The following PIAS4 variants were observed in gnomAD, a reference collection of about 807,000 sequenced individuals.
PIAS4 encodes E3 SUMO-protein ligase PIAS4.
PIAS4 carries 7 observed loss-of-function variants against 58.0 expected under a neutral mutation model. That is an observed-to-expected ratio of 0.12 (90% confidence interval 0.07 to 0.23). PIAS4 has a LOEUF of 0.23. Ranked by LOEUF, PIAS4 falls within the 10% of genes least tolerant of loss-of-function variation. PIAS4 has a pLI of 1.00. For missense variants in PIAS4, 550 were observed against 709.5 expected (o/e 0.78, Z 2.55); for synonymous variants, 364 against 312.4 (o/e 1.17, Z -1.74).
intron 2 of PIAS4, among the ~76,000 whole-genome samples, chr19:4,023,658 T>C (rs941620546): frequency 1.3e-5 from 2 of 151,886 alleles, no homozygotes; most frequent in Non-Finnish European, 2.9e-5. Context: ...AAGGGCCGGG[T>C]CCGGTTTGTG....
intron 9 of PIAS4, 118 bp downstream of exon 9, chr19:4,033,698 G>C: frequency 1.2e-6 from 1 of 845,706 alleles, no homozygotes; most frequent in Non-Finnish European, 1.8e-6. Flanking sequence ...GGGGGCACAT[G>C]GTCCTGGAGC....
intron 1 of PIAS4, among the ~76,000 whole-genome samples, chr19:4,010,433 G>C (rs979466409): frequency 6.6e-6 from 1 of 152,256 alleles, no homozygotes; most frequent in Non-Finnish European, 1.5e-5. Context: ...GTCTCTCCCT[G>C]CTAAGGCTTT....
At chr19:4,020,996 C>G (rs982440574) in intron 2 of PIAS4, among the ~76,000 whole-genome samples, 1 of 152,160 alleles carries the variant, frequency 6.6e-6, no homozygotes, top group Non-Finnish European at 1.5e-5. Flanking sequence ...TCTGTGCTTA[C>G]CTTTATAAGG....
chr19:4,013,342 C>T lies in PIAS4; in HGVS notation c.447C>T (p.Thr149=), dbSNP rs762329482. The part of the protein sequence containing the change: ...FNMLDELLKP[T]ELVPQNNEKL... ...TGCTGGATGAGCTGCTGAAGCCCAC[C>T]GAATTAGGTGAGTGGTCACCCTGGG... Residue 149 remains threonine (T), a synonymous_variant, in exon 2 of 11, where the codon ACC becomes ACT. Coordinates refer to ENST00000262971, the MANE Select transcript of PIAS4 (RefSeq NM_015897.4). The surrounding 1 kb of genome is among the most constrained non-coding windows in gnomAD (Gnocchi z 5.1). 7.4e-6 allele frequency: 12 copies of T among 1,611,744 alleles called. No homozygotes were observed. Among genetic ancestry groups the T allele is most frequent in the Non-Finnish European group, 8.5e-6 (10 of 1,179,088 alleles).
intron 9 of PIAS4, among the ~76,000 whole-genome samples, chr19:4,034,282 G>T (rs1048827471): frequency 2.7e-5 from 4 of 148,384 alleles, no homozygotes; most frequent in Non-Finnish European, 6.1e-5. Flanking sequence ...GGGTGGGCCG[G>T]GTCCCCAGCC....
intron 1 of PIAS4, among the ~76,000 whole-genome samples, chr19:4,009,653 G>T (rs1035319764): frequency 6.6e-6 from 1 of 152,086 alleles, no homozygotes; most frequent in Admixed American, 6.6e-5. Flanking sequence ...GGACCCTGGG[G>T]AACCTTCTTT....
chr19:4,008,076 G>A (rs1349406339), intron 1 of PIAS4, among the ~76,000 whole-genome samples: 1 of 151,908 alleles, frequency 6.6e-6, no homozygotes, highest in Non-Finnish European at 1.5e-5. Context: ...CGGTCCCTGA[G>A]CGCCAGGCCA....
intron 1 of PIAS4, among the ~76,000 whole-genome samples, chr19:4,010,252 C>CT (rs2039979769): frequency 6.6e-6 from 1 of 152,218 alleles, no homozygotes; most frequent in African/African-American, 2.4e-5. Flanking sequence ...GCTGGGAAAT[C>CT]TGAGTCGTGA....
chr19:4,031,699 G>C (rs895195256), intron 7 of PIAS4, among the ~76,000 whole-genome samples: 11 of 152,206 alleles, frequency 7.2e-5, no homozygotes, highest in African/African-American at 2.6e-4. Flanking sequence ...CCTCTCCGAA[G>C]GGGTCTCCTG....
rs1451119691 is a variant in PIAS4 at position 4,026,164 on chromosome 19, C to T, written c.540-1982C>T. Among the ~76,000 whole-genome samples the T allele has an allele frequency of 8.6e-5, 12 of 139,210 alleles. No individual in the cohort carries two copies. The South Asian group carries it at 1.2e-3, about 14-fold the overall frequency. 91.3% of individuals were successfully genotyped at this position (139,210 alleles called of 152,430 possible). On this transcript the variant is annotated intron_variant, in intron 3 of 10. Transcript: ENST00000262971. ...TTCTTTTTTTTTTTTGAAATGAAGT[C>T]GCTCTGTCGCCAGGCTGGAGTGCAG...
intron 7 of PIAS4, among the ~76,000 whole-genome samples, chr19:4,031,237 C>G (rs949137913): frequency 1.3e-5 from 2 of 152,212 alleles, no homozygotes; most frequent in African/African-American, 4.8e-5. Context: ...TGGAGCAGTG[C>G]TGGCACTGCC....
Position 4,012,851 on chromosome 19 carries a change from G to A in PIAS4, c.28-72G>A. Reference sequence around the variant, plus strand: ...GTGTCTTTCACGGCCCCCACATCGGGGCCTGGCCTCCATGGAGTCCCCTGC... The same window carrying A: ...GTGTCTTTCACGGCCCCCACATCGGAGCCTGGCCTCCATGGAGTCCCCTGC... On this transcript the variant is annotated intron_variant, in intron 1 of 10. Coordinates refer to ENST00000262971, the MANE Select transcript of PIAS4 (RefSeq NM_015897.4). 3 of 1,488,480 alleles carry A rather than the reference G, an allele frequency of 2.0e-6. No homozygotes were observed. In the East Asian group the frequency reaches 6.8e-5, roughly 34 times the overall value. 92.2% of individuals were successfully genotyped at this position (1,488,480 alleles called of 1,614,324 possible). A position where few individuals can be genotyped will look rare whatever the true frequency, so the allele number is the denominator to read the frequency against.
At chr19:4,032,878 G>A (rs2040235274) in intron 7 of PIAS4, among the ~76,000 whole-genome samples, 1 of 152,170 alleles carries the variant, frequency 6.6e-6, no homozygotes, top group Non-Finnish European at 1.5e-5. Flanking sequence ...TGGGGGCTTC[G>A]GCTGGGTCTG....
chr19:4,036,283 C>A lies in PIAS4; in HGVS notation c.1143-1091C>A, dbSNP rs2040284095. Among the ~76,000 whole-genome samples the A allele has an allele frequency of 3.7e-5, 3 of 80,220 alleles. 1 individual carries two copies. Among genetic ancestry groups the A allele is most frequent in the African/African-American group, 8.2e-5 (3 of 36,688 alleles). The allele number at this position is 80,220 out of a possible 152,430, so 52.6% of individuals were successfully genotyped here. On this transcript the variant is annotated intron_variant, in intron 9 of 10. Transcript: ENST00000262971. ...TGCACACACATCTATATGGTCTACACCGTCACACACACACACATCTATACA... is the reference window on the plus strand; with the variant it reads ...TGCACACACATCTATATGGTCTACAACGTCACACACACACACATCTATACA...
intron 9 of PIAS4, among the ~76,000 whole-genome samples, chr19:4,034,641 C>T (rs1341884331): frequency 6.6e-6 from 1 of 152,238 alleles, no homozygotes; most frequent in African/African-American, 2.4e-5. Flanking sequence ...CTGTTCCCAG[C>T]CTGACAGCTG....
chr19:4,027,872 A>G (rs893291870), intron 3 of PIAS4, among the ~76,000 whole-genome samples: 2 of 151,996 alleles, frequency 1.3e-5, no homozygotes, highest in African/African-American at 2.4e-5. Flanking sequence ...CGTTTTAGCT[A>G]TGTTTCTTCG....
Position 4,038,105 on chromosome 19 carries a change from A to T in PIAS4, c.*230A>T, listed in dbSNP as rs1459223024. On this transcript the variant is annotated 3_prime_UTR_variant, in exon 11 of 11. Coordinates refer to ENST00000262971, the MANE Select transcript of PIAS4 (RefSeq NM_015897.4). This position sits in a 1 kb window ranked among gnomAD's most constrained non-coding sequence, Gnocchi z 4.1. ...TACAAAAAAGAAAAATGAAACAAAA[A>T]AGTCAAACTCTTAAAAACAAGGCCG... 8 of 527,526 alleles carry T rather than the reference A, an allele frequency of 1.5e-5. No individual in the cohort carries two copies. The highest frequency in any genetic ancestry group is 2.6e-5 in the Non-Finnish European group (8 of 307,566). 32.7% of individuals were successfully genotyped at this position (527,526 alleles called of 1,614,324 possible). A position where few individuals can be genotyped will look rare whatever the true frequency, so the allele number is the denominator to read the frequency against.
rs962073271 is a variant in PIAS4 at position 4,036,478 on chromosome 19, T to G, written c.1143-896T>G. Reference sequence around the variant, plus strand: ...TCTATACGGTCCACACCGTCACACATCCATACAGTCCACACCGTCATACAA... The same window carrying G: ...TCTATACGGTCCACACCGTCACACAGCCATACAGTCCACACCGTCATACAA... On this transcript the variant is annotated intron_variant, in intron 9 of 10. Transcript: ENST00000262971. Among the ~76,000 whole-genome samples, 19 of 135,286 alleles carry G rather than the reference T, an allele frequency of 1.4e-4. 2 individuals are homozygous for G. Among genetic ancestry groups the G allele is most frequent in the Non-Finnish European group, 2.8e-4 (18 of 64,856 alleles). 88.8% of individuals were successfully genotyped at this position (135,286 alleles called of 152,430 possible). A position where few individuals can be genotyped will look rare whatever the true frequency, so the allele number is the denominator to read the frequency against.
intron 2 of PIAS4, among the ~76,000 whole-genome samples, chr19:4,015,955 C>G (rs370677089): frequency 8.8e-4 from 134 of 152,306 alleles, no homozygotes; most frequent in South Asian, 6.0e-3. Context: ...TGTAGGTGAT[C>G]GGCTCCAGTG....
Sources: allele counts gnomAD v4.1 joint callset (sites outside exome capture counted in the v4.1 genomes callset), GRCh38; gene constraint gnomAD v4.1.1; non-coding constraint Gnocchi (gnomAD v3.1); transcripts MANE v1.5; gene names NCBI Gene and HGNC (gene_info 2026-07-23, HGNC 2026-07-21).